Variants in SCN4B observed in about 807,000 individuals in gnomAD.
The protein encoded by SCN4B is sodium voltage-gated channel beta subunit 4.
A neutral mutation model predicts 19.6 loss-of-function variants in SCN4B; 20 were observed. That is an observed-to-expected ratio of 1.02 (90% CI 0.72 to 1.48). SCN4B has a LOEUF of 1.48. Ranked by LOEUF, SCN4B falls within the 40% of genes most tolerant of loss-of-function variation. The probability of loss-of-function intolerance (pLI) is 0.00; values close to 1 mark genes in which losing one functional copy is unlikely to be tolerated. For synonymous variants in SCN4B, 127 were observed against 122.8 expected (o/e 1.03, Z -0.22); for missense variants, 271 against 287.5 (o/e 0.94, Z 0.42).
intron 4 of SCN4B, among the ~76,000 whole-genome samples, chr11:118,140,594 C>T (rs1948082685): frequency 6.6e-6 from 1 of 152,250 alleles, no homozygotes; most frequent in Non-Finnish European, 1.5e-5. Flanking sequence ...CTGTCTGATA[C>T]TGTTCCAAAA....
chr11:118,151,304 T>C (rs1233981249), intron 1 of SCN4B, among the ~76,000 whole-genome samples: 1 of 152,128 alleles, frequency 6.6e-6, no homozygotes, highest in Non-Finnish European at 1.5e-5. Context: ...TCCTCAGTGA[T>C]CCTTTACCCC....
intron 4 of SCN4B, among the ~76,000 whole-genome samples, chr11:118,139,676 C>G (rs1482126620): frequency 6.6e-6 from 1 of 152,182 alleles, no homozygotes; most frequent in Non-Finnish European, 1.5e-5. Context: ...AATCCCAGCT[C>G]TATCACTTAC....
At position 118,136,349 on chromosome 11, in the gene SCN4B, C is replaced by T. The variant is rs1948005993; in HGVS notation, c.*678G>A. On this transcript the variant is annotated 3_prime_UTR_variant, in exon 5 of 5. Transcript: ENST00000324727. ...GTAACCCAGAGAGCAGAGGAGCAGG[C>T]TAGGTGGCCAGGAACCCTCAAGACC... 2.2e-6 allele frequency: 1 copy of T among 453,672 alleles called. No individual in the cohort carries two copies. The highest frequency in any genetic ancestry group is 4.4e-6 in the Non-Finnish European group (1 of 226,676). 28.1% of individuals were successfully genotyped at this position (453,672 alleles called of 1,614,324 possible).
In SCN4B at chr11:118,136,685, G is replaced by C; in HGVS notation, c.*342C>G. 1 of 480,702 alleles carries C rather than the reference G, an allele frequency of 2.1e-6. No homozygotes were observed. Among genetic ancestry groups the C allele is most frequent in the Non-Finnish European group, 4.1e-6 (1 of 244,664 alleles). 29.8% of individuals were successfully genotyped at this position (480,702 alleles called of 1,614,324 possible). A position where few individuals can be genotyped will look rare whatever the true frequency, so the allele number is the denominator to read the frequency against. On this transcript the variant is annotated 3_prime_UTR_variant, in exon 5 of 5. Transcript: ENST00000324727. The stretch of plus-strand genomic sequence containing the variant: ...CCAGTCTCTTGTGAAGAGAAGCCTG[G>C]AGGAAAATCAAGGCCCTGCTTGTGC...
rs532403270 is a variant in SCN4B at position 118,136,166 on chromosome 11, C to T, written c.*861G>A. ...TGGTCCTGCCATGCCAGGGGAGGGG[C>T]TGCCAGCATTGGCAGCAATGGGGCG... On this transcript the variant is annotated 3_prime_UTR_variant, in exon 5 of 5. Transcript: ENST00000324727. 1 of 453,142 alleles carries T rather than the reference C, an allele frequency of 2.2e-6. No individual in the cohort carries two copies. The highest frequency in any genetic ancestry group is 4.4e-6 in the Non-Finnish European group (1 of 226,506). The allele number at this position is 453,142 out of a possible 1,614,324, so 28.1% of individuals were successfully genotyped here. A position where few individuals can be genotyped will look rare whatever the true frequency, so the allele number is the denominator to read the frequency against.
In SCN4B at chr11:118,136,271, G is replaced by A. The variant is rs1358410138; in HGVS notation, c.*756C>T. On this transcript the variant is annotated 3_prime_UTR_variant, in exon 5 of 5. Transcript: ENST00000324727. ...AGTAGAAATGCTTGGAAAGGCATAG[G>A]GAGCACTCGGGTACTCCAGGAAGGC... 1 of 453,902 alleles carries A rather than the reference G, an allele frequency of 2.2e-6. No homozygotes were observed. The highest frequency in any genetic ancestry group is 4.4e-6 in the Non-Finnish European group (1 of 226,712). 28.1% of individuals were successfully genotyped at this position (453,902 alleles called of 1,614,324 possible).
chr11:118,147,620 A>G (rs1251265277), intron 1 of SCN4B, among the ~76,000 whole-genome samples: 1 of 152,162 alleles, frequency 6.6e-6, no homozygotes. Context: ...CAGAAGCCAG[A>G]CACAAGATCC....
At position 118,135,948 on chromosome 11, in the gene SCN4B, A is replaced by T. The variant is rs1947989880; in HGVS notation, c.*1079T>A. The T allele has an allele frequency of 2.2e-6, 1 of 454,112 alleles. No individual in the cohort carries two copies. Among genetic ancestry groups the T allele is most frequent in the East Asian group, 7.0e-5 (1 of 14,352 alleles). 28.1% of individuals were successfully genotyped at this position (454,112 alleles called of 1,614,324 possible). The stretch of plus-strand genomic sequence containing the variant: ...GAAACCCAAGGACCCCCTCATCCAA[A>T]GGAAGAGAGTCCCTGAGGCGAAGGC... On this transcript the variant is annotated 3_prime_UTR_variant, in exon 5 of 5. Coordinates refer to ENST00000324727, the MANE Select transcript of SCN4B (RefSeq NM_174934.4).
At chr11:118,142,730 G>A (rs1275512099) in intron 3 of SCN4B, 1 of 152,176 alleles carries the variant, frequency 6.6e-6, no homozygotes, top group African/African-American at 2.4e-5. Context: ...CCACCTCAAG[G>A]GAGCTGGTGA....
Position 118,137,008 on chromosome 11 carries a change from G to C in SCN4B, c.*19C>G, listed in dbSNP as rs762685269. The C allele has an allele frequency of 6.3e-7, 1 of 1,574,978 alleles. No individual in the cohort carries two copies. The highest frequency in any genetic ancestry group is 1.1e-5 in the South Asian group (1 of 90,118). ...ATCAGAAAGGGGGCTCCCTGCAGCT[G>C]CTCAGCCCGAAGCAGGGCTCACACT... is the stretch of plus-strand genomic sequence containing the variant. On this transcript the variant is annotated 3_prime_UTR_variant, in exon 5 of 5. Coordinates refer to ENST00000324727, the MANE Select transcript of SCN4B (RefSeq NM_174934.4).
At chr11:118,140,894 C>T (rs1948086937) in intron 4 of SCN4B, among the ~76,000 whole-genome samples, 3 of 151,970 alleles carry the variant, frequency 2.0e-5, no homozygotes, top group Non-Finnish European at 4.4e-5. Flanking sequence ...GTAAGGCTCT[C>T]GGTTGGGTGG....
chr11:118,142,724 C>T (rs1222156075), intron 3 of SCN4B: 1 of 152,170 alleles, frequency 6.6e-6, no homozygotes, highest in Admixed American at 6.5e-5. Flanking sequence ...GACGATCCAC[C>T]TCAAGGGAGC....
At chr11:118,140,888 G>A (rs552264265) in intron 4 of SCN4B, among the ~76,000 whole-genome samples, 67 of 152,328 alleles carry the variant, frequency 4.4e-4, no homozygotes, top group African/African-American at 1.5e-3. Context: ...CCTTTGGTAA[G>A]GCTCTCGGTT....
At chr11:118,140,449 C>T (rs573879055) in intron 4 of SCN4B, among the ~76,000 whole-genome samples, 1 of 152,236 alleles carries the variant, frequency 6.6e-6, no homozygotes, top group Non-Finnish European at 1.5e-5. Context: ...CCATTCTCTG[C>T]ATCTCGTGGT....
In SCN4B at chr11:118,141,301, GGAT is replaced by G. The variant is rs776782025; in HGVS notation, c.496_498del (p.Ile166del). 6.2e-7 allele frequency: 1 copy of G among 1,612,406 alleles called. No individual in the cohort carries two copies. The highest frequency in any genetic ancestry group is 8.5e-7 in the Non-Finnish European group (1 of 1,180,022). Reference sequence around the variant, plus strand: ...CCGATGACCCCGCCCACGACAGCCAGGATGATGAGTGTCACTGTGTTGTCCACT... The same window carrying G: ...CCGATGACCCCGCCCACGACAGCCAGGATGAGTGTCACTGTGTTGTCCACT... On this transcript the variant is annotated inframe_deletion, in exon 4 of 5. Coordinates refer to ENST00000324727, the MANE Select transcript of SCN4B (RefSeq NM_174934.4).
intron 3 of SCN4B, chr11:118,142,971 C>G (rs1413763970): frequency 6.6e-6 from 1 of 152,272 alleles, no homozygotes; most frequent in Non-Finnish European, 1.5e-5. Context: ...ATTGAACTCA[C>G]GGGTGTCTCC....
At position 118,136,502 on chromosome 11, in the gene SCN4B, G is replaced by GA. The variant is rs66491110; in HGVS notation, c.*524dup. The stretch of plus-strand genomic sequence containing the variant: ...GACTGTGGGGGATCTGGTATCCTAT[G>GA]AAGCAGAGGCAGTCTCTCACTGTGG... On this transcript the variant is annotated 3_prime_UTR_variant, in exon 5 of 5. Transcript: ENST00000324727. 0.02 allele frequency: 8,957 copies of GA among 453,984 alleles called. 433 individuals carry two copies. Among genetic ancestry groups the GA allele is most frequent in the Admixed American group, 0.1 (4,419 of 42,580 alleles). 28.1% of individuals were successfully genotyped at this position (453,984 alleles called of 1,614,324 possible).
Position 118,133,513 on chromosome 11 carries a change from C to A in SCN4B, c.*3514G>T, listed in dbSNP as rs1219998899. The A allele has an allele frequency of 2.2e-6, 1 of 454,216 alleles. No homozygotes were observed. Among genetic ancestry groups the A allele is most frequent in the South Asian group, 1.6e-5 (1 of 64,476 alleles). The allele number at this position is 454,216 out of a possible 1,614,324, so 28.1% of individuals were successfully genotyped here. On this transcript the variant is annotated 3_prime_UTR_variant, in exon 5 of 5. Coordinates refer to ENST00000324727, the MANE Select transcript of SCN4B (RefSeq NM_174934.4). ...TCAGTGCTGGCTGTGTGGGCATCTGCGCCTCCCAGAGGCACTCGCACACCT... is the reference window on the plus strand; with the variant it reads ...TCAGTGCTGGCTGTGTGGGCATCTGAGCCTCCCAGAGGCACTCGCACACCT...
rs1948021879 is a variant in SCN4B, at chr11:118,137,043, G to A, written c.671C>T (p.Pro224Leu). ...AAGCAGGGCTCACACTTTTGAAGGT[G>A]GTTTCTCCTCTGCCTTGGAGCCAGG... ...GLPGSKAEEK[P>L]PSKV The change falls in exon 5 of 5, where the codon CCA becomes CTA. Residue 224 changes from proline (P) to leucine (L), a missense_variant. Physicochemically the swap from Pro to Leu is moderately conservative, Grantham distance 98. Coordinates refer to ENST00000324727, the MANE Select transcript of SCN4B (RefSeq NM_174934.4). 6.2e-7 allele frequency: 1 copy of A among 1,613,366 alleles called. No homozygotes were observed. Among genetic ancestry groups the A allele is most frequent in the African/African-American group, 1.3e-5 (1 of 75,038 alleles).
Sources: gnomAD v4.1 joint callset for allele counts (sites outside exome capture counted in the v4.1 genomes callset) on GRCh38, gnomAD v4.1.1 for gene constraint, MANE v1.5 for transcripts, NCBI Gene and HGNC (gene_info 2026-07-23, HGNC 2026-07-21) for gene names.